ANGPT1: variants seen among roughly 807,000 people sequenced by gnomAD.
The protein encoded by ANGPT1 is angiopoietin 1.
ANGPT1 carries 17 observed loss-of-function variants against 62.2 expected under a neutral mutation model. The observed-to-expected ratio is 0.27, with a 90% confidence interval of 0.19 to 0.41. ANGPT1 has a LOEUF of 0.41. Among genes scored for constraint, ANGPT1 ranks in the 10% least tolerant of loss-of-function variants. The pLI, the probability that ANGPT1 is intolerant of heterozygous loss-of-function variation, is 1.00. For synonymous variants in ANGPT1, 199 were observed against 198.9 expected (o/e 1.00, Z 0.00); for missense variants, 478 against 594.9 (o/e 0.80, Z 2.04).
intron 1 of ANGPT1, among the ~76,000 whole-genome samples, chr8:107,395,144 G>C (rs970137543): frequency 6.6e-6 from 1 of 152,084 alleles, no homozygotes; most frequent in African/African-American, 2.4e-5. Context: ...GCTTTTATCT[G>C]TTTTTCATTT....
intron 1 of ANGPT1, among the ~76,000 whole-genome samples, chr8:107,421,252 G>GT (rs1209726376): frequency 1.3e-5 from 2 of 152,100 alleles, no homozygotes; most frequent in Non-Finnish European, 1.5e-5. Context: ...ATTTCTCATT[G>GT]TGAGTGAAAA....
chr8:107,317,511 C>CT (rs369143664), intron 4 of ANGPT1, among the ~76,000 whole-genome samples: 421 of 151,916 alleles, frequency 2.8e-3, no homozygotes, highest in African/African-American at 9.8e-3. Flanking sequence ...TCCTTCCTTC[C>CT]TTTTTTTACA....
At position 107,347,038 on chromosome 8, in the gene ANGPT1, T is replaced by C. The variant is rs759076688; in HGVS notation, c.357A>G (p.Ala119=). 3.7e-6 allele frequency: 6 copies of C among 1,613,898 alleles called. No homozygotes were observed. Among genetic ancestry groups the C allele is most frequent in the Non-Finnish European group, 5.1e-6 (6 of 1,179,846 alleles). The part of the protein sequence containing the change: ...KSEMAQIQQN[A]VQNHTATMLE... ...GCATGGTAGCCGTGTGGTTCTGAACTGCATTCTGCTGTATCTGGGCCATCT... is the reference window on the plus strand; with the variant it reads ...GCATGGTAGCCGTGTGGTTCTGAACCGCATTCTGCTGTATCTGGGCCATCT... Residue 119 remains alanine (A), a synonymous_variant, in exon 2 of 9, where the codon GCA becomes GCG. Coordinates refer to ENST00000517746, the MANE Select transcript of ANGPT1 (RefSeq NM_001146.5).
intron 8 of ANGPT1, among the ~76,000 whole-genome samples, chr8:107,253,971 A>T (rs1242116745): frequency 6.6e-6 from 1 of 152,136 alleles, no homozygotes; most frequent in Admixed American, 6.5e-5. Flanking sequence ...AACGAGGGGG[A>T]TAGTCACCTG....
intron 1 of ANGPT1, among the ~76,000 whole-genome samples, chr8:107,419,912 C>A (rs1044358521): frequency 6.6e-6 from 1 of 152,124 alleles, no homozygotes; most frequent in Non-Finnish European, 1.5e-5. Flanking sequence ...TCAACCACTA[C>A]GCTAAATGCT....
chr8:107,410,513 C>T (rs762307314), intron 1 of ANGPT1, among the ~76,000 whole-genome samples: 23 of 152,152 alleles, frequency 1.5e-4, no homozygotes, highest in Non-Finnish European at 3.4e-4. Flanking sequence ...TTCCTTCGTT[C>T]TGCAGCTAGA....
intron 1 of ANGPT1, among the ~76,000 whole-genome samples, chr8:107,438,304 C>A (rs1391256612): frequency 6.6e-6 from 1 of 151,974 alleles, no homozygotes; most frequent in Non-Finnish European, 1.5e-5. Flanking sequence ...TCATCTTCTT[C>A]TTCTTCTTCT....
At chr8:107,407,813 G>C (rs1445093840) in intron 1 of ANGPT1, among the ~76,000 whole-genome samples, 2 of 152,142 alleles carry the variant, frequency 1.3e-5, no homozygotes, top group Non-Finnish European at 2.9e-5. Context: ...CAGGGGAAGG[G>C]AGAAGATCAT....
Position 107,271,458 on chromosome 8 carries a change from G to A in ANGPT1, c.1206-7107C>T, listed in dbSNP as rs4327839. Among the ~76,000 whole-genome samples, 48 of 152,080 alleles carry A rather than the reference G, an allele frequency of 3.2e-4. No homozygotes were observed. In the East Asian group the frequency reaches 9.3e-3, roughly 29 times the overall value. ...GGAATGACTAAGGCTAAATTACACA[G>A]GTATAAACATATGACCTTGATAGAC... On this transcript the variant is annotated intron_variant, in intron 7 of 8. Coordinates refer to ENST00000517746, the MANE Select transcript of ANGPT1 (RefSeq NM_001146.5).
chr8:107,358,522 G>T (rs191941375), intron 1 of ANGPT1, among the ~76,000 whole-genome samples: 39 of 152,218 alleles, frequency 2.6e-4, no homozygotes, highest in Non-Finnish European at 4.0e-4. Context: ...CAATGAACTG[G>T]CTTCTCTGAG....
intron 1 of ANGPT1, among the ~76,000 whole-genome samples, chr8:107,366,848 T>C (rs571947862): frequency 2.6e-5 from 4 of 151,122 alleles, no homozygotes; most frequent in Non-Finnish European, 5.9e-5. Context: ...TAAATGGCAC[T>C]ACAGGTTCTA....
chr8:107,382,796 G>A (rs929280546), intron 1 of ANGPT1, among the ~76,000 whole-genome samples: 1 of 152,086 alleles, frequency 6.6e-6, no homozygotes, highest in Non-Finnish European at 1.5e-5. Flanking sequence ...AAGCAGGAAT[G>A]GCCAAGTTGG....
At chr8:107,416,437 G>T (rs1810747841) in intron 1 of ANGPT1, among the ~76,000 whole-genome samples, 1 of 152,164 alleles carries the variant, frequency 6.6e-6, no homozygotes, top group Non-Finnish European at 1.5e-5. Flanking sequence ...CCAAGTGCAG[G>T]AGCCTTTCCT....
At chr8:107,305,858 G>A (rs1031025775) in intron 4 of ANGPT1, among the ~76,000 whole-genome samples, 5 of 151,904 alleles carry the variant, frequency 3.3e-5, no homozygotes, top group African/African-American at 1.2e-4. Flanking sequence ...GTTAATTTAG[G>A]CTACACTTTA....
intron 1 of ANGPT1, among the ~76,000 whole-genome samples, chr8:107,393,133 A>T (rs1816867185): frequency 6.6e-6 from 1 of 152,190 alleles, no homozygotes; most frequent in Non-Finnish European, 1.5e-5. Flanking sequence ...TTACTTTTTC[A>T]TGATTTTTTT....
intron 4 of ANGPT1, among the ~76,000 whole-genome samples, chr8:107,316,457 GAATTA>G (rs1815016300): frequency 6.6e-6 from 1 of 152,128 alleles, no homozygotes; most frequent in Non-Finnish European, 1.5e-5. Flanking sequence ...GTTGTTACCA[GAATTA>G]AATAAACTAA....
At chr8:107,432,084 GTGACAAAAGAAT>G (rs1811202258) in intron 1 of ANGPT1, among the ~76,000 whole-genome samples, 1 of 151,484 alleles carries the variant, frequency 6.6e-6, no homozygotes, top group South Asian at 2.1e-4. Context: ...TTTTTACTGT[GTGACAAAAGAAT>G]TGATATTTGA....
At chr8:107,257,149 C>T (rs921048744) in intron 8 of ANGPT1, among the ~76,000 whole-genome samples, 3 of 152,170 alleles carry the variant, frequency 2.0e-5, no homozygotes, top group Non-Finnish European at 4.4e-5. Flanking sequence ...CGTGAGCCAC[C>T]GCGCTCAGCC....
At chr8:107,425,840 A>G (rs189779756) in intron 1 of ANGPT1, among the ~76,000 whole-genome samples, 51 of 152,264 alleles carry the variant, frequency 3.3e-4, no homozygotes, top group Non-Finnish European at 4.9e-4. Context: ...TGATCCCAGA[A>G]GCAATCTTGG....
Sources: allele counts gnomAD v4.1 joint callset (sites outside exome capture counted in the v4.1 genomes callset), GRCh38; gene constraint gnomAD v4.1.1; transcripts MANE v1.5; gene names NCBI Gene and HGNC (gene_info 2026-07-23, HGNC 2026-07-21).